NDE1: variants seen among roughly 807,000 people sequenced by gnomAD.
NDE1 encodes nuclear distribution protein nudE homolog 1.
A neutral mutation model predicts 43.4 loss-of-function variants in NDE1; 28 were observed. That is an observed-to-expected ratio of 0.65 (90% CI 0.48 to 0.89). The LOEUF (loss-of-function observed/expected upper bound fraction) is 0.89. NDE1 is among the 40% of genes least tolerant of loss of function. The pLI is 0.00. For missense variants in NDE1, 441 were observed against 434.1 expected, an observed-to-expected ratio of 1.02 and a Z score of -0.14; for synonymous variants, 184 against 172.0, an observed-to-expected ratio of 1.07 and a Z score of -0.55.
chr16:15,679,842 G>C (rs1372237557), intron 4 of NDE1, among the ~76,000 whole-genome samples: 1 of 152,082 alleles, frequency 6.6e-6, no homozygotes, highest in African/African-American at 2.4e-5. Flanking sequence ...GCAGTGGTGC[G>C]ATCTCTGCTC....
intron 8 of NDE1, chr16:15,717,123 A>G: frequency 6.2e-7 from 1 of 1,613,526 alleles, no homozygotes; most frequent in South Asian, 1.1e-5. Flanking sequence ...TGGGTTCGGA[A>G]CTCCACACCC....
chr16:15,703,134 A>G (rs117953584), intron 8 of NDE1: 2 of 183,524 alleles, frequency 1.1e-5, no homozygotes, highest in East Asian at 1.8e-4. Context: ...AGCCAACGAC[A>G]TTGTGATTTA....
chr16:15,664,034 A>C lies in NDE1; in HGVS notation c.-43-702A>C, dbSNP rs554054332. ...CAGTGAGCTGAGATCACGCCACTGC[A>C]CTCCAGCCTGGGTGATAGAGCAAGA... On this transcript the variant is annotated intron_variant, in intron 1 of 8. Transcript: ENST00000396354. 7.9e-5 allele frequency among the ~76,000 whole-genome samples: 12 copies of C among 152,198 alleles called. No homozygotes were observed. The South Asian group carries it at 1.7e-3, about 21-fold the overall frequency.
At chr16:15,680,651 T>A (rs1168402330) in intron 4 of NDE1, among the ~76,000 whole-genome samples, 1 of 152,104 alleles carries the variant, frequency 6.6e-6, no homozygotes, top group Non-Finnish European at 1.5e-5. Flanking sequence ...GTGATTCTCC[T>A]GCCTCAGCCT....
chr16:15,714,785 T>C, intron 8 of NDE1: 2 of 1,235,890 alleles, frequency 1.6e-6, no homozygotes, highest in Non-Finnish European at 2.3e-6. Flanking sequence ...GAAGCAGGAA[T>C]AAACCACAGA....
Position 15,691,326 on chromosome 16 carries a change from A to T in NDE1, c.703+3A>T. ...CACACCTGGGAGCTTCAGACGTGGT[A>T]AGGGGAGTGGGAATTGCAGGATTTT... On this transcript the variant is annotated splice_donor_region_variant and intron_variant, in intron 6 of 8. Transcript: ENST00000396354. The T allele has an allele frequency of 6.2e-7, 1 of 1,613,920 alleles. No homozygotes were observed. Among genetic ancestry groups the T allele is most frequent in the Non-Finnish European group, 8.5e-7 (1 of 1,179,928 alleles).
At chr16:15,699,477 T>C (rs1487893233) in intron 8 of NDE1, 3 of 1,058,732 alleles carry the variant, frequency 2.8e-6, no homozygotes, top group Non-Finnish European at 3.6e-6. Flanking sequence ...TTGCGTAGGC[T>C]GTAAAACAAA....
At chr16:15,664,713 C>A in intron 1 of NDE1, 23 bp from the exon 2 acceptor site, 2 of 1,213,432 alleles carry the variant, frequency 1.6e-6, no homozygotes, top group Non-Finnish European at 2.4e-6. Context: ...TGTGGGTAAT[C>A]ATTTTGAAAC....
chr16:15,707,913 G>A lies in NDE1; in HGVS notation c.947+11053G>A, dbSNP rs142689052. On this transcript the variant is annotated intron_variant, in intron 8 of 8. Transcript: ENST00000396354. ...CTTGAACCCAGGAGGCAAAGGTTGC[G>A]GTGAGCCAAGATTGCGCCATTGCAC... Among the ~76,000 whole-genome samples the A allele has an allele frequency of 7.4e-3, 1,109 of 150,322 alleles. 13 individuals carry two copies. The highest frequency in any genetic ancestry group is 0.026 in the African/African-American group (1,058 of 40,860).
intron 5 of NDE1, 87 bp downstream of exon 5, chr16:15,687,598 T>A (rs528018107): frequency 7.8e-7 from 1 of 1,284,356 alleles, no homozygotes; most frequent in South Asian, 1.2e-5. Flanking sequence ...CAGCATTATC[T>A]TTACAGGGAC....
intron 8 of NDE1, among the ~76,000 whole-genome samples, chr16:15,711,860 T>C (rs1467085955): frequency 2.6e-5 from 4 of 152,218 alleles, no homozygotes; most frequent in African/African-American, 7.2e-5. Context: ...ACCCGGCTAA[T>C]TTTTGTGTTT....
intron 8 of NDE1, chr16:15,699,653 T>C (rs151260023): frequency 3.1e-6 from 4 of 1,297,016 alleles, no homozygotes; most frequent in East Asian, 5.3e-5. Context: ...TTCACCCTTA[T>C]AACTCTCTGG....
chr16:15,701,572 G>C (rs911646533), intron 8 of NDE1: 1 of 152,184 alleles, frequency 6.6e-6, no homozygotes, highest in Non-Finnish European at 1.5e-5. Context: ...ATTGTAGGAG[G>C]CTTCCTTGTC....
intron 8 of NDE1, chr16:15,717,721 G>C (rs1376852761): frequency 2.1e-5 from 7 of 328,954 alleles, no homozygotes; most frequent in Admixed American, 9.0e-5. Flanking sequence ...CCTTGAACTT[G>C]GGAGGCAGAG....
intron 3 of NDE1, among the ~76,000 whole-genome samples, chr16:15,669,431 G>A (rs1254048504): frequency 2.0e-5 from 3 of 146,576 alleles, no homozygotes; most frequent in East Asian, 2.0e-4. Flanking sequence ...GCGTAATCCC[G>A]GCTCACTGCA....
At chr16:15,649,047 T>G (rs2036390603), upstream of NDE1, among the ~76,000 whole-genome samples, 1 of 151,710 alleles carries the variant, frequency 6.6e-6, no homozygotes, top group Admixed American at 6.6e-5. Context: ...AATATAAAAA[T>G]TAGCCGGGTG....
intron 3 of NDE1, among the ~76,000 whole-genome samples, chr16:15,671,939 C>T (rs1314254730): frequency 2.0e-5 from 3 of 151,988 alleles, no homozygotes; most frequent in South Asian, 2.1e-4. Flanking sequence ...CCGCCTGCCT[C>T]GGCCTCTCAA....
At chr16:15,677,585 C>T (rs1280668851) in intron 3 of NDE1, among the ~76,000 whole-genome samples, 1 of 143,612 alleles carries the variant, frequency 7.0e-6, no homozygotes, top group African/African-American at 2.6e-5. Context: ...GACTCGGCCT[C>T]AAAAGAAAAA....
At chr16:15,679,340 G>A (rs755709899) in intron 4 of NDE1, among the ~76,000 whole-genome samples, 2 of 152,022 alleles carry the variant, frequency 1.3e-5, no homozygotes, top group Non-Finnish European at 2.9e-5. Flanking sequence ...TCTCCTGTCC[G>A]TCTCGGACGC....
Sources: allele counts gnomAD v4.1 joint callset (sites outside exome capture counted in the v4.1 genomes callset), GRCh38; gene constraint gnomAD v4.1.1; transcripts MANE v1.5; gene names NCBI Gene and HGNC (gene_info 2026-07-23, HGNC 2026-07-21).